The following BTBD10 variants were observed in gnomAD, a reference collection of about 807,000 sequenced individuals.
The protein encoded by BTBD10 is BTB domain containing 10, also known as BTB/POZ domain-containing protein 10.
In BTBD10, 21 loss-of-function variants were observed where a neutral mutation model predicts 53.2. The ratio of observed to expected loss-of-function variants is 0.39; its 90% CI spans 0.28 to 0.57. The LOEUF (loss-of-function observed/expected upper bound fraction) is 0.57. Ranked by LOEUF, BTBD10 falls within the 20% of genes least tolerant of loss-of-function variation. The pLI, the probability that BTBD10 is intolerant of heterozygous loss-of-function variation, is 0.53. For missense variants in BTBD10, 360 were observed against 594.7 expected (o/e 0.61, Z 4.10); for synonymous variants, 149 against 192.7 (o/e 0.77, Z 1.88).
chr11:13,410,002 G>A (rs750657677), intron 6 of BTBD10, among the ~76,000 whole-genome samples: 38 of 152,164 alleles, frequency 2.5e-4, no homozygotes, highest in South Asian at 8.3e-4. Context: ...AGTCGGTGAG[G>A]AAGGCTGGGA....
chr11:13,451,845 A>G (rs531853141), intron 1 of BTBD10, among the ~76,000 whole-genome samples: 1 of 152,326 alleles, frequency 6.6e-6, no homozygotes, highest in South Asian at 2.1e-4. Flanking sequence ...GAAAAAGCCT[A>G]TACAAAGAAC....
chr11:13,410,910 G>A (rs1379190780), intron 6 of BTBD10, among the ~76,000 whole-genome samples: 2 of 152,166 alleles, frequency 1.3e-5, no homozygotes, highest in Non-Finnish European at 2.9e-5. Context: ...AGCATTTGGA[G>A]CTATATGTTA....
chr11:13,400,922 A>G (rs967465375), intron 8 of BTBD10, among the ~76,000 whole-genome samples: 1 of 152,186 alleles, frequency 6.6e-6, no homozygotes. Context: ...GAGAAATTTG[A>G]CAAAACAAGC....
At chr11:13,451,323 C>T (rs1048549387) in intron 1 of BTBD10, among the ~76,000 whole-genome samples, 1 of 152,136 alleles carries the variant, frequency 6.6e-6, no homozygotes, top group African/African-American at 2.4e-5. Context: ...CAGCAGAAAG[C>T]TGAATCCCTT....
At chr11:13,413,412 G>T in intron 6 of BTBD10, 118 bp downstream of exon 6, 1 of 814,368 alleles carries the variant, frequency 1.2e-6, no homozygotes, top group Non-Finnish European at 1.8e-6. Flanking sequence ...GTACTAGAAT[G>T]CTTTATAATT....
intron 1 of BTBD10, among the ~76,000 whole-genome samples, chr11:13,458,512 A>C (rs1000022253): frequency 1.3e-5 from 2 of 152,216 alleles, no homozygotes; most frequent in Non-Finnish European, 2.9e-5. Flanking sequence ...CAAATCAGGA[A>C]ACTTGTGGAT....
At chr11:13,417,540 A>G (rs1414654644) in intron 4 of BTBD10, among the ~76,000 whole-genome samples, 1 of 152,116 alleles carries the variant, frequency 6.6e-6, no homozygotes, top group Non-Finnish European at 1.5e-5. Context: ...AGAAAACAAC[A>G]CCAACCAATT....
chr11:13,413,357 G>C (rs1950008529), intron 6 of BTBD10, among the ~76,000 whole-genome samples, 173 bp downstream of exon 6: 1 of 152,124 alleles, frequency 6.6e-6, no homozygotes, highest in African/African-American at 2.4e-5. Flanking sequence ...AATTGCACAA[G>C]GAGATCATCA....
At chr11:13,438,322 A>G (rs1434634713) in intron 2 of BTBD10, among the ~76,000 whole-genome samples, 1 of 151,992 alleles carries the variant, frequency 6.6e-6, no homozygotes, top group Non-Finnish European at 1.5e-5. Flanking sequence ...TCACTGTGTA[A>G]TCACACTGAA....
Position 13,445,095 on chromosome 11 carries a change from A to G in BTBD10, c.30T>C (p.Gly10=). ...CCCAATTCTCTGGATCACTGGAGTT[A>G]CCATCATAGGGATGAGGCCGTCCTG... MAGRPHPYD[G]NSSDPENWDR... The change falls in exon 2 of 9, where the codon GGT becomes GGC. Residue 10 remains glycine, a synonymous_variant. Transcript: ENST00000278174. 1 of 1,613,320 alleles carries G rather than the reference A, an allele frequency of 6.2e-7. No individual in the cohort carries two copies. Among genetic ancestry groups the G allele is most frequent in the Non-Finnish European group, 8.5e-7 (1 of 1,179,464 alleles).
At chr11:13,428,620 C>A (rs2133989408) in intron 2 of BTBD10, among the ~76,000 whole-genome samples, 1 of 152,046 alleles carries the variant, frequency 6.6e-6, no homozygotes, top group Non-Finnish European at 1.5e-5. Flanking sequence ...TCTTAGAACA[C>A]AAATATCAAT....
chr11:13,416,540 G>A (rs1014617583), intron 5 of BTBD10, among the ~76,000 whole-genome samples: 22 of 152,116 alleles, frequency 1.4e-4, no homozygotes, highest in Admixed American at 6.5e-4. Context: ...ACTGTATTTA[G>A]GAGAAAGAGA....
chr11:13,422,881 G>GA, intron 2 of BTBD10, among the ~76,000 whole-genome samples: 1 of 152,262 alleles, frequency 6.6e-6, no homozygotes, highest in South Asian at 2.1e-4. Context: ...AATGCCAACA[G>GA]AAAGAAGCTT....
In BTBD10 at chr11:13,388,923, T is replaced by C. The variant is rs778590349; in HGVS notation, c.1336A>G (p.Thr446Ala). Residue 446 changes from threonine (T) to alanine (A), a missense_variant, in exon 9 of 9, where the codon ACT (threonine) becomes GCT (alanine). Physicochemically the swap from Thr to Ala is moderately conservative, Grantham distance 58. Transcript: ENST00000278174. ...PQDQLVVMHP[T>A]PQVDELDILP... ...ATATCCAGCTCATCCACTTGTGGAGTTGGATGCATGACTACCAGCTGGTCC... is the reference window on the plus strand; with the variant it reads ...ATATCCAGCTCATCCACTTGTGGAGCTGGATGCATGACTACCAGCTGGTCC... The C allele has an allele frequency of 8.1e-6, 13 of 1,613,964 alleles. No individual in the cohort carries two copies. In the East Asian group the frequency reaches 1.3e-4, roughly 17 times the overall value.
At chr11:13,458,984 A>G (rs1269058888) in intron 1 of BTBD10, among the ~76,000 whole-genome samples, 4 of 151,998 alleles carry the variant, frequency 2.6e-5, no homozygotes, top group Non-Finnish European at 4.4e-5. Flanking sequence ...CGCTTGTACA[A>G]TTTTGTACCT....
intron 8 of BTBD10, among the ~76,000 whole-genome samples, chr11:13,392,943 T>C (rs1483152042): frequency 6.6e-6 from 1 of 152,220 alleles, no homozygotes; most frequent in East Asian, 1.9e-4. Flanking sequence ...ACATCCAATA[T>C]GGTCTGCTCG....
intron 2 of BTBD10, among the ~76,000 whole-genome samples, chr11:13,435,006 T>C (rs576882943): frequency 1.3e-5 from 2 of 152,348 alleles, no homozygotes; most frequent in Admixed American, 6.5e-5. Flanking sequence ...AGGTATATCT[T>C]AGACATGTTA....
chr11:13,436,477 T>C (rs1386724669), intron 2 of BTBD10, among the ~76,000 whole-genome samples: 1 of 152,050 alleles, frequency 6.6e-6, no homozygotes, highest in African/African-American at 2.4e-5. Context: ...TGGGACCAAA[T>C]AACAACAACA....
intron 2 of BTBD10, among the ~76,000 whole-genome samples, chr11:13,434,199 T>TGCA (rs925662857): frequency 6.6e-6 from 1 of 152,050 alleles, no homozygotes; most frequent in South Asian, 2.1e-4. Context: ...AAAATCCCAT[T>TGCA]GCAGCAGCAG....
Sources: gnomAD v4.1 joint callset for allele counts (sites outside exome capture counted in the v4.1 genomes callset) on GRCh38, gnomAD v4.1.1 for gene constraint, MANE v1.5 for transcripts, NCBI Gene and HGNC (gene_info 2026-07-23, HGNC 2026-07-21) for gene names.